PIP5KL1: variants seen among roughly 807,000 people sequenced by gnomAD.
The protein encoded by PIP5KL1 is phosphatidylinositol-4-phosphate 5-kinase like 1, also known as phosphatidylinositol 4-phosphate 5-kinase-like protein 1.
PIP5KL1 carries 45 observed loss-of-function variants against 47.6 expected under a neutral mutation model. That is an observed-to-expected ratio of 0.94 (90% CI 0.74 to 1.21). PIP5KL1 has a LOEUF of 1.21. PIP5KL1 is among the 50% of genes most tolerant of loss of function. The probability of loss-of-function intolerance (pLI) is 0.00; values close to 1 mark genes in which losing one functional copy is unlikely to be tolerated. For missense variants in PIP5KL1, 577 were observed against 547.6 expected (o/e 1.05, Z -0.54); for synonymous variants, 256 against 234.6 (o/e 1.09, Z -0.84).
chr9:127,928,171 G>C lies in PIP5KL1; in HGVS notation c.328C>G (p.Arg110Gly), dbSNP rs369774242. Reference protein sequence around the residue: ...LAGPAFAWLRRSLGLAEEDYQ... With the variant: ...LAGPAFAWLRGSLGLAEEDYQ... ...TCCTCCTCCGCCAGGCCCAGGGAGC[G>C]GCGCAGCCAGGCAAAGGCGGGGCCG... The change falls in exon 4 of 10, where the codon CGC (arginine) becomes GGC (glycine). Residue 110 changes from arginine to glycine, a missense_variant. By Grantham distance (125) the Arg-to-Gly change is moderately radical. Transcript: ENST00000388747. 3 of 1,537,720 alleles carry C rather than the reference G, an allele frequency of 2.0e-6. No homozygotes were observed. Among genetic ancestry groups the C allele is most frequent in the African/African-American group, 1.4e-5 (1 of 72,394 alleles).
In PIP5KL1 at chr9:127,921,466, A is replaced by G. The variant is rs1831279455; in HGVS notation, c.*381T>C. On this transcript the variant is annotated 3_prime_UTR_variant, in exon 10 of 10. Coordinates refer to ENST00000388747, the MANE Select transcript of PIP5KL1 (RefSeq NM_001135219.2). ...TTCAGCCTCCCCCCTTGCCCAGATC[A>G]TGAGGACCAAGCTGCAGGAGCTGGT... The G allele has an allele frequency of 5.3e-6, 1 of 190,460 alleles. No homozygotes were observed. The highest frequency in any genetic ancestry group is 1.1e-5 in the Non-Finnish European group (1 of 91,192). The allele number at this position is 190,460 out of a possible 1,614,324, so 11.8% of individuals were successfully genotyped here. A position where few individuals can be genotyped will look rare whatever the true frequency, so the allele number is the denominator to read the frequency against.
chr9:127,928,424 G>A lies in PIP5KL1; in HGVS notation c.279+9C>T, dbSNP rs2131640950. ...ACGTCCCTCCCACACGGGAGTCTGG[G>A]CCTCCTACCTCGTGAACCTGGGTTA... On this transcript the variant is annotated intron_variant, in intron 3 of 9. Coordinates refer to ENST00000388747, the MANE Select transcript of PIP5KL1 (RefSeq NM_001135219.2). The A allele has an allele frequency of 6.3e-7, 1 of 1,597,264 alleles. No homozygotes were observed. The highest frequency in any genetic ancestry group is 8.5e-7 in the Non-Finnish European group (1 of 1,173,072).
chr9:127,922,481 T>C (rs1300693384), intron 9 of PIP5KL1, among the ~76,000 whole-genome samples: 4 of 152,012 alleles, frequency 2.6e-5, no homozygotes, highest in Non-Finnish European at 5.9e-5. Flanking sequence ...GTGGATCACC[T>C]GAGGTCAGAA....
In PIP5KL1 at chr9:127,925,166, G is replaced by A. The variant is rs754747093; in HGVS notation, c.858C>T (p.Phe286=). ...NVLDYSLLIA[F]QRLHEDERGP... Reference sequence around the variant, plus strand: ...CCCTCTCATCCTCGTGGAGACGTTGGAAGGCTATCAGGAGGCTGTAATCCA... The same window carrying A: ...CCCTCTCATCCTCGTGGAGACGTTGAAAGGCTATCAGGAGGCTGTAATCCA... Residue 286 remains phenylalanine (F), a synonymous_variant, in exon 9 of 10, where the codon TTC becomes TTT. Coordinates refer to ENST00000388747, the MANE Select transcript of PIP5KL1 (RefSeq NM_001135219.2). 2 of 1,614,072 alleles carry A rather than the reference G, an allele frequency of 1.2e-6. No individual in the cohort carries two copies. Among genetic ancestry groups the A allele is most frequent in the Non-Finnish European group, 1.7e-6 (2 of 1,180,058 alleles).
chr9:127,927,640 C>T lies in PIP5KL1; in HGVS notation c.559+8G>A. The stretch of plus-strand genomic sequence containing the variant: ...CGCCCCCACCGAGCCCCGCCCCCAG[C>T]CAAGTACCCAGCAACCGCGCCAGCA... On this transcript the variant is annotated splice_region_variant and intron_variant, in intron 5 of 9. Coordinates refer to ENST00000388747, the MANE Select transcript of PIP5KL1 (RefSeq NM_001135219.2). This position sits in a 1 kb window ranked among gnomAD's most constrained non-coding sequence, Gnocchi z 5.5. 1.3e-6 allele frequency: 2 copies of T among 1,533,536 alleles called. No individual in the cohort carries two copies. The highest frequency in any genetic ancestry group is 1.7e-6 in the Non-Finnish European group (2 of 1,145,416). 95.0% of individuals were successfully genotyped at this position (1,533,536 alleles called of 1,614,324 possible). A position where few individuals can be genotyped will look rare whatever the true frequency, so the allele number is the denominator to read the frequency against.
intron 9 of PIP5KL1, among the ~76,000 whole-genome samples, chr9:127,924,878 A>G (rs1831336563): frequency 6.6e-6 from 1 of 151,570 alleles, no homozygotes; most frequent in Non-Finnish European, 1.5e-5. Flanking sequence ...CCCTCTACAC[A>G]CACACACACG....
At chr9:127,924,060 C>G (rs1831325282) in intron 9 of PIP5KL1, among the ~76,000 whole-genome samples, 1 of 152,204 alleles carries the variant, frequency 6.6e-6, no homozygotes, top group Non-Finnish European at 1.5e-5. Context: ...CTAAAAAGGG[C>G]AAGGACCCTT....
At chr9:127,923,543 TG>T (rs1472009151) in intron 9 of PIP5KL1, among the ~76,000 whole-genome samples, 1 of 152,246 alleles carries the variant, frequency 6.6e-6, no homozygotes, top group Non-Finnish European at 1.5e-5. Flanking sequence ...TGACCTCACT[TG>T]GATGGGCAGG....
Position 127,922,009 on chromosome 9 carries a change from G to C in PIP5KL1, c.1023C>G (p.Arg341=). Residue 341 remains arginine (R), a synonymous_variant, in exon 10 of 10, where the codon CGC becomes CGG. Coordinates refer to ENST00000388747, the MANE Select transcript of PIP5KL1 (RefSeq NM_001135219.2). ...ALHILDGPEQ[R]YFLGVVDLAT... ...CGAGATCCACGACGCCCAGGAAATA[G>C]CGCTGCTCGGGCCCGTCCAGGATGT... The C allele has an allele frequency of 6.3e-7, 1 of 1,575,832 alleles. No homozygotes were observed. The highest frequency in any genetic ancestry group is 8.6e-7 in the Non-Finnish European group (1 of 1,161,818).
At chr9:127,930,013 T>A in intron 1 of PIP5KL1, 128 bp from the exon 2 acceptor site, 1 of 942,758 alleles carries the variant, frequency 1.1e-6, no homozygotes, top group Non-Finnish European at 1.5e-6. Context: ...TCTTCAGCTG[T>A]AAAATAGAGA....
At position 127,928,076 on chromosome 9, in the gene PIP5KL1, G is replaced by A. The variant is rs2131640566; in HGVS notation, c.423C>T (p.Ser141=). The A allele has an allele frequency of 1.3e-6, 2 of 1,519,064 alleles. No individual in the cohort carries two copies. Among genetic ancestry groups the A allele is most frequent in the African/African-American group, 1.4e-5 (1 of 71,722 alleles). The allele number at this position is 1,519,064 out of a possible 1,614,324, so 94.1% of individuals were successfully genotyped here. The change falls in exon 4 of 10, where the codon AGC becomes AGT. Residue 141 remains serine (S), a synonymous_variant. Coordinates refer to ENST00000388747, the MANE Select transcript of PIP5KL1 (RefSeq NM_001135219.2). ...TGCCGCAAGCTCACGACAGGAAGAA[G>A]CTGGCCTTGCTCTTGGAGGTGCTGA... The part of the protein sequence containing the change: ...QFLSTSKSKA[S]FFLSHDQRFF...
At chr9:127,926,230 T>C (rs1168071633) in intron 7 of PIP5KL1, among the ~76,000 whole-genome samples, 1 of 151,130 alleles carries the variant, frequency 6.6e-6, no homozygotes, top group Admixed American at 6.6e-5. Flanking sequence ...TCTTCCCTTT[T>C]TTTTTTTTTT....
At chr9:127,925,382 T>G in intron 8 of PIP5KL1, 122 bp from the exon 9 acceptor site, 1 of 1,225,148 alleles carries the variant, frequency 8.2e-7, no homozygotes. Context: ...AAGAAACTCA[T>G]CTGTAATTTG....
chr9:127,927,673 C>T lies in PIP5KL1; in HGVS notation c.534G>A (p.Pro178=), dbSNP rs1264137514. ...CCAGCAACCGCGCCAGCAGCGAGTGCGGGTGCCGCTGCAGGTGCTGCACGT... is the reference window on the plus strand; with the variant it reads ...CCAGCAACCGCGCCAGCAGCGAGTGTGGGTGCCGCTGCAGGTGCTGCACGT... The part of the protein sequence containing the change: ...PRYVQHLQRH[P]HSLLARLLGV... Residue 178 remains proline (P), a synonymous_variant, in exon 5 of 10, where the codon CCG becomes CCA. Coordinates refer to ENST00000388747, the MANE Select transcript of PIP5KL1 (RefSeq NM_001135219.2). This position sits in a 1 kb window ranked among gnomAD's most constrained non-coding sequence, Gnocchi z 5.5. The T allele has an allele frequency of 2.6e-6, 4 of 1,541,752 alleles. No homozygotes were observed. Among genetic ancestry groups the T allele is most frequent in the Admixed American group, 3.9e-5 (2 of 50,678 alleles).
At position 127,921,726 on chromosome 9, in the gene PIP5KL1, G is replaced by T; in HGVS notation, c.*121C>A. 1 of 1,346,362 alleles carries T rather than the reference G, an allele frequency of 7.4e-7. No individual in the cohort carries two copies. Among genetic ancestry groups the T allele is most frequent in the Non-Finnish European group, 9.9e-7 (1 of 1,011,698 alleles). The allele number at this position is 1,346,362 out of a possible 1,614,324, so 83.4% of individuals were successfully genotyped here. ...GACTGCGCGGTTACGGTATTAGTTA[G>T]GGGATGCTGCCCTCTGGCGACCATC... On this transcript the variant is annotated 3_prime_UTR_variant, in exon 10 of 10. Coordinates refer to ENST00000388747, the MANE Select transcript of PIP5KL1 (RefSeq NM_001135219.2).
Position 127,930,762 on chromosome 9 carries a change from A to T in PIP5KL1, c.-10T>A, listed in dbSNP as rs910886343. The T allele has an allele frequency of 1.9e-6, 3 of 1,545,204 alleles. No homozygotes were observed. In the African/African-American group the frequency reaches 4.2e-5, roughly 22 times the overall value. ...GGCTCGGCGCAGCCATCGCCCCCGC[A>T]GCAGCTTCCCGGGCTTTGGCCGCAT... On this transcript the variant is annotated 5_prime_UTR_variant, in exon 1 of 10. Coordinates refer to ENST00000388747, the MANE Select transcript of PIP5KL1 (RefSeq NM_001135219.2).
intron 9 of PIP5KL1, among the ~76,000 whole-genome samples, chr9:127,924,564 G>A (rs1343090402): frequency 6.7e-6 from 1 of 150,046 alleles, no homozygotes; most frequent in Non-Finnish European, 1.5e-5. Flanking sequence ...GATGAGGCAG[G>A]AGAATCGCTT....
chr9:127,929,116 T>G lies in PIP5KL1; in HGVS notation c.228+572A>C, dbSNP rs573423790. ...GCAGGTGATGAGGTCAGTTTGTGAT[T>G]TAGAGAACTCCCTCGAGTCTCTACA... On this transcript the variant is annotated intron_variant, in intron 2 of 9. Transcript: ENST00000388747. This position sits in a 1 kb window ranked among gnomAD's most constrained non-coding sequence, Gnocchi z 4.0. Among the ~76,000 whole-genome samples the G allele has an allele frequency of 2.0e-5, 3 of 152,170 alleles. No homozygotes were observed. Among genetic ancestry groups the G allele is most frequent in the Non-Finnish European group, 4.4e-5 (3 of 68,018 alleles).
intron 2 of PIP5KL1, chr9:127,928,702 A>G (rs991189861): frequency 1.7e-6 from 1 of 589,198 alleles, no homozygotes; most frequent in Admixed American, 3.1e-5. Context: ...GCAAGGCCTG[A>G]GTGTATCTCA....
Sources: gnomAD v4.1 joint callset for allele counts (sites outside exome capture counted in the v4.1 genomes callset) on GRCh38, gnomAD v4.1.1 for gene constraint, Gnocchi (gnomAD v3.1) non-coding constraint, MANE v1.5 for transcripts, NCBI Gene and HGNC (gene_info 2026-07-23, HGNC 2026-07-21) for gene names.